Variants in TOP6BL observed in about 807,000 individuals in gnomAD.
TOP6BL encodes the protein type 2 DNA topoisomerase 6 subunit B-like.
At chr11:66,813,805 T>C in the TOP6BL span, 4 of 1,486,754 alleles carry the variant, frequency 2.7e-6, no homozygotes, top group Admixed American at 3.5e-5. Context: ...TTGTTTGTTA[T>C]ACAAGTGAAT....
chr11:66,772,589 C>T, the TOP6BL span, among the ~76,000 whole-genome samples: 761 of 152,258 alleles, frequency 5.0e-3, 2 homozygotes, highest in Non-Finnish European at 8.9e-3. Flanking sequence ...GCCAACATGG[C>T]GAAACCCCGT....
chr11:66,788,303 G>T, the TOP6BL span: 1 of 1,401,290 alleles, frequency 7.1e-7, no homozygotes, highest in South Asian at 1.2e-5. Flanking sequence ...AATTACTAAT[G>T]ATTTTATTCT....
the TOP6BL span, among the ~76,000 whole-genome samples, chr11:66,747,711 T>G: frequency 2.0e-5 from 3 of 152,106 alleles, no homozygotes; most frequent in African/African-American, 7.2e-5. Context: ...CTCAATCTTA[T>G]GGGCTCAAGA....
At chr11:66,754,788 A>G in the TOP6BL span, among the ~76,000 whole-genome samples, 2 of 152,194 alleles carry the variant, frequency 1.3e-5, no homozygotes, top group East Asian at 1.9e-4. Context: ...TTTTAGTACA[A>G]TTTTGATTCT....
At chr11:66,787,661 A>G in the TOP6BL span, among the ~76,000 whole-genome samples, 1 of 150,978 alleles carries the variant, frequency 6.6e-6, no homozygotes, top group South Asian at 2.1e-4. Flanking sequence ...CGGATGTTGC[A>G]GCGAGCCGAG....
chr11:66,842,845 C>T, the TOP6BL span: 9 of 1,560,302 alleles, frequency 5.8e-6, no homozygotes, highest in Non-Finnish European at 5.2e-6. Flanking sequence ...TGTTTTTCTC[C>T]TAGATACCAG....
At chr11:66,820,741 C>G in the TOP6BL span, among the ~76,000 whole-genome samples, 2 of 152,198 alleles carry the variant, frequency 1.3e-5, no homozygotes, top group Non-Finnish European at 2.9e-5. Flanking sequence ...TTTCTCCTCT[C>G]CTTTGGGAGT....
At chr11:66,744,832 G>A in the TOP6BL span, 2 of 1,327,536 alleles carry the variant, frequency 1.5e-6, no homozygotes, top group African/African-American at 1.5e-5. Context: ...CGGCGGCGGC[G>A]GCGGCGGCGG....
the TOP6BL span, chr11:66,744,816 A>AGGGGGCGGC: frequency 2.1e-6 from 2 of 946,530 alleles, no homozygotes; most frequent in Non-Finnish European, 2.8e-6. Context: ...CGGGCTGAGG[A>AGGGGGCGGC]GGGGGCGGCG....
At chr11:66,757,731 C>T in the TOP6BL span, among the ~76,000 whole-genome samples, 8 of 152,066 alleles carry the variant, frequency 5.3e-5, no homozygotes, top group African/African-American at 1.7e-4. Flanking sequence ...GGATTACAGG[C>T]GCCTGCCACC....
the TOP6BL span, among the ~76,000 whole-genome samples, chr11:66,793,822 A>G: frequency 6.6e-6 from 1 of 152,072 alleles, no homozygotes; most frequent in South Asian, 2.1e-4. Context: ...AAAAAACATT[A>G]AAAGGCCAGG....
At chr11:66,798,240 A>G in the TOP6BL span, among the ~76,000 whole-genome samples, 1 of 152,196 alleles carries the variant, frequency 6.6e-6, no homozygotes, top group East Asian at 1.9e-4. Flanking sequence ...GAAAAAGCAA[A>G]GAAAAAAGCA....
At chr11:66,834,767 G>A in the TOP6BL span, among the ~76,000 whole-genome samples, 1 of 152,120 alleles carries the variant, frequency 6.6e-6, no homozygotes, top group African/African-American at 2.4e-5. Flanking sequence ...CTACAGCCTC[G>A]AACTCCTGGG....
At chr11:66,758,310 T>C in the TOP6BL span, 5 of 115,038 alleles carry the variant, frequency 4.3e-5, no homozygotes, top group East Asian at 2.7e-4. Flanking sequence ...TTCTTTTTTT[T>C]TTTTTTTTTT....
chr11:66,817,422 G>GGAT, the TOP6BL span, among the ~76,000 whole-genome samples: 878 of 151,624 alleles, frequency 5.8e-3, 12 homozygotes, highest in South Asian at 0.034. Flanking sequence ...CAGAATCACT[G>GGAT]GATGATGATG....
At chr11:66,824,670 C>T in the TOP6BL span, among the ~76,000 whole-genome samples, 8 of 140,066 alleles carry the variant, frequency 5.7e-5, no homozygotes, top group East Asian at 6.6e-4. Context: ...TTGTTCAATT[C>T]GCACTTATGA....
the TOP6BL span, among the ~76,000 whole-genome samples, chr11:66,838,888 C>T: frequency 3.9e-5 from 6 of 152,168 alleles, no homozygotes; most frequent in Admixed American, 6.5e-5. Context: ...CCCGCCATCA[C>T]GCCCGGCTAA....
At chr11:66,843,246 T>G in the TOP6BL span, 3 of 1,607,384 alleles carry the variant, frequency 1.9e-6, no homozygotes, top group African/African-American at 4.0e-5. Context: ...CCGGGTCCCC[T>G]TCCGCAAGCG....
chr11:66,785,695 C>G, the TOP6BL span, among the ~76,000 whole-genome samples: 1 of 152,044 alleles, frequency 6.6e-6, no homozygotes, highest in Non-Finnish European at 1.5e-5. Context: ...CTCTATGGCC[C>G]TCATCTCATA....
Sources: gnomAD v4.1 joint callset for allele counts (sites outside exome capture counted in the v4.1 genomes callset) on GRCh38, gnomAD v4.1.1 for gene constraint, MANE v1.5 for transcripts, NCBI Gene and HGNC (gene_info 2026-07-23, HGNC 2026-07-21) for gene names.